Variants in SLU7 observed in about 807,000 individuals in gnomAD.
SLU7 encodes spliceosome associated SLU7, also known as pre-mRNA-splicing factor SLU7.
A neutral mutation model predicts 87.0 loss-of-function variants in SLU7; 60 were observed. That is an observed-to-expected ratio of 0.69 (90% CI 0.56 to 0.86). The LOEUF (loss-of-function observed/expected upper bound fraction) is 0.86. Among genes scored for constraint, SLU7 ranks in the 40% least tolerant of loss-of-function variants. The pLI, the probability that SLU7 is intolerant of heterozygous loss-of-function variation, is 0.00. For synonymous variants in SLU7, 197 were observed against 222.0 expected (o/e 0.89, Z 1.00); for missense variants, 507 against 686.6 (o/e 0.74, Z 2.92).
chr5:160,404,912 G>T, intron 13 of SLU7, 32 bp from the exon 14 acceptor site: 2 of 1,534,074 alleles, frequency 1.3e-6, no homozygotes, highest in African/African-American at 1.4e-5. Context: ...TGAGTTGAGT[G>T]TCATAGTTAC....
Position 160,407,830 on chromosome 5 carries a change from A to G in SLU7, c.918-17T>C. The G allele has an allele frequency of 6.3e-7, 1 of 1,595,638 alleles. No homozygotes were observed. ...TAACTCACTCTGTAAATACAAATAAAGAAAATGTTTCAGAGATTGATTTAA... is the reference window on the plus strand; with the variant it reads ...TAACTCACTCTGTAAATACAAATAAGGAAAATGTTTCAGAGATTGATTTAA... On this transcript the variant is annotated splice_polypyrimidine_tract_variant and intron_variant, in intron 9 of 15. Coordinates refer to ENST00000297151, the MANE Select transcript of SLU7 (RefSeq NM_006425.5). This position sits in a 1 kb window ranked among gnomAD's most constrained non-coding sequence, Gnocchi z 4.2.
At position 160,403,415 on chromosome 5, in the gene SLU7, T is replaced by A; in HGVS notation, c.1631A>T (p.Gln544Leu). 6.2e-7 allele frequency: 1 copy of A among 1,613,162 alleles called. No individual in the cohort carries two copies. Among genetic ancestry groups the A allele is most frequent in the Non-Finnish European group, 8.5e-7 (1 of 1,179,646 alleles). The change falls in exon 16 of 16, where the codon CAG becomes CTG. Residue 544 changes from glutamine to leucine, a missense_variant. Coordinates refer to ENST00000297151, the MANE Select transcript of SLU7 (RefSeq NM_006425.5). Reference sequence around the variant, plus strand: ...GTAAGGCCGCTTCCTCTCATCAATCTGCATGGTCTCCTTGACATGAAGAAG... The same window carrying A: ...GTAAGGCCGCTTCCTCTCATCAATCAGCATGGTCTCCTTGACATGAAGAAG... ...ARLLHVKETM[Q>L]IDERKRPYNS...
chr5:160,412,515 T>C lies in SLU7; in HGVS notation c.575A>G (p.Lys192Arg). Residue 192 changes from lysine (K) to arginine (R), a missense_variant, in exon 6 of 16, where the codon AAA becomes AGA. By Grantham distance (26) the Lys-to-Arg change is conservative. Coordinates refer to ENST00000297151, the MANE Select transcript of SLU7 (RefSeq NM_006425.5). ...VEEYAKVDLA[K>R]RTLKAQKLQE... Reference sequence around the variant, plus strand: ...GAGTTTCTGGGCTTTCAATGTTCGTTTTGCCTTTAAAAAAAAAAAAAAGAA... The same window carrying C: ...GAGTTTCTGGGCTTTCAATGTTCGTCTTGCCTTTAAAAAAAAAAAAAAGAA... 1 of 1,341,474 alleles carries C rather than the reference T, an allele frequency of 7.5e-7. No individual in the cohort carries two copies. Among genetic ancestry groups the C allele is most frequent in the Non-Finnish European group, 1.0e-6 (1 of 996,218 alleles). 83.1% of individuals were successfully genotyped at this position (1,341,474 alleles called of 1,614,324 possible).
chr5:160,408,506 A>G, intron 7 of SLU7, 46 bp from the exon 8 acceptor site: 1 of 1,568,342 alleles, frequency 6.4e-7, no homozygotes, highest in Non-Finnish European at 8.6e-7. Context: ...AGAAAGCAGC[A>G]TGTAGTTCTT....
intron 3 of SLU7, 83 bp from the exon 4 acceptor site, chr5:160,414,062 A>T: frequency 2.2e-6 from 2 of 890,562 alleles, no homozygotes; most frequent in South Asian, 1.8e-5. Context: ...TATTTTGTCT[A>T]GGGAAATGAT....
intron 1 of SLU7, 34 bp from the exon 2 acceptor site, chr5:160,415,344 A>C: frequency 6.7e-7 from 1 of 1,490,126 alleles, no homozygotes. Context: ...AGTAAAAAGT[A>C]GGCCTTCATG....
chr5:160,415,866 C>T (rs1395991095), intron 1 of SLU7, among the ~76,000 whole-genome samples: 5 of 152,010 alleles, frequency 3.3e-5, no homozygotes, highest in African/African-American at 1.2e-4. Context: ...GTCTTGACTT[C>T]CCTGACACTA....
chr5:160,404,226 A>C (rs1428931232), intron 15 of SLU7, among the ~76,000 whole-genome samples: 1 of 152,158 alleles, frequency 6.6e-6, no homozygotes, highest in Non-Finnish European at 1.5e-5. Context: ...TTAGCTGCAC[A>C]TGGGGGCATG....
chr5:160,417,885 G>T (rs190432191), intron 1 of SLU7, among the ~76,000 whole-genome samples: 4 of 151,488 alleles, frequency 2.6e-5, no homozygotes, highest in African/African-American at 7.3e-5. Flanking sequence ...GGTCCACCAT[G>T]GTCTGGCACC....
intron 6 of SLU7, among the ~76,000 whole-genome samples, chr5:160,411,012 C>T (rs1383491318): frequency 6.6e-6 from 1 of 151,976 alleles, no homozygotes; most frequent in Non-Finnish European, 1.5e-5. Flanking sequence ...ACTACAGGCG[C>T]CCGCCACCGC....
At chr5:160,410,530 G>C (rs1238841478) in intron 6 of SLU7, among the ~76,000 whole-genome samples, 1 of 151,664 alleles carries the variant, frequency 6.6e-6, no homozygotes, top group African/African-American at 2.4e-5. Context: ...TAACAAACCT[G>C]CACGTTGTGC....
In SLU7 at chr5:160,407,132, G is replaced by C. The variant is rs1431603568; in HGVS notation, c.1125+344C>G. Among the ~76,000 whole-genome samples, 1 of 152,230 alleles carries C rather than the reference G, an allele frequency of 6.6e-6. No individual in the cohort carries two copies. The highest frequency in any genetic ancestry group is 2.4e-5 in the African/African-American group (1 of 41,464). The stretch of plus-strand genomic sequence containing the variant: ...CATGGGGTGGAGATGAGCTGTCCCA[G>C]AAGAGGTCCCCTTAGGACAATTAGC... On this transcript the variant is annotated intron_variant, in intron 11 of 15. Transcript: ENST00000297151. The surrounding 1 kb of genome is among the most constrained non-coding windows in gnomAD (Gnocchi z 4.2).
At chr5:160,418,713 T>C (rs1256108386) in intron 1 of SLU7, 1 of 152,252 alleles carries the variant, frequency 6.6e-6, no homozygotes, top group African/African-American at 2.4e-5. Flanking sequence ...TCTGTCAATT[T>C]GGGTACTGGA....
intron 6 of SLU7, 27 bp downstream of exon 6, chr5:160,412,423 CT>C: frequency 7.8e-7 from 1 of 1,286,596 alleles, no homozygotes; most frequent in Non-Finnish European, 1.1e-6. Flanking sequence ...GAAATAAAAC[CT>C]TTTTATTGAT....
At chr5:160,404,636 G>A (rs1764927313) in intron 14 of SLU7, 80 bp from the exon 15 acceptor site, 1 of 1,022,944 alleles carries the variant, frequency 9.8e-7, no homozygotes, top group South Asian at 1.4e-5. Flanking sequence ...TGAGGCACAA[G>A]AATCACTTGA....
chr5:160,406,737 G>T (rs1561556106), intron 11 of SLU7, 108 bp from the exon 12 acceptor site: 2 of 960,772 alleles, frequency 2.1e-6, no homozygotes, highest in Non-Finnish European at 3.0e-6. Context: ...TTCTTTACTG[G>T]GTTTTGTTAT....
Position 160,404,447 on chromosome 5 carries a change from A to T in SLU7, c.1574T>A (p.Leu525Ter). 6.4e-7 allele frequency: 1 copy of T among 1,574,266 alleles called. No individual in the cohort carries two copies. Residue 525 changes from leucine to a stop codon, truncating the protein, a stop_gained, in exon 15 of 16, where the codon TTG (leucine) becomes TAG (stop). Coordinates refer to ENST00000297151, the MANE Select transcript of SLU7 (RefSeq NM_006425.5). LOFTEE classifies it high-confidence loss of function. ...SDDEEKKHEK[L>*]KKALNAEEAR... ...TTAGACTTCACAAATTACCTTTTTC[A>T]ATTTTTCATGCTTCTTTTCTTCATC...
At chr5:160,411,305 C>T (rs1177554704) in intron 6 of SLU7, among the ~76,000 whole-genome samples, 1 of 151,994 alleles carries the variant, frequency 6.6e-6, no homozygotes, top group African/African-American at 2.4e-5. Flanking sequence ...GATCTCGGCT[C>T]ACTGCAACCT....
intron 6 of SLU7, 68 bp downstream of exon 6, chr5:160,412,382 CT>C (rs1765271878): frequency 2.1e-6 from 2 of 972,494 alleles, no homozygotes; most frequent in South Asian, 2.8e-5. Flanking sequence ...AAAATGAATT[CT>C]TGTTTCAATT....
Sources: allele counts gnomAD v4.1 joint callset (sites outside exome capture counted in the v4.1 genomes callset), GRCh38; gene constraint gnomAD v4.1.1; non-coding constraint Gnocchi (gnomAD v3.1); transcripts MANE v1.5; gene names NCBI Gene and HGNC (gene_info 2026-07-23, HGNC 2026-07-21).